The following PRKG1 variants were observed in gnomAD, a reference collection of about 807,000 sequenced individuals.
PRKG1 encodes cGMP-dependent protein kinase 1.
A neutral mutation model predicts 88.1 loss-of-function variants in PRKG1; 35 were observed. That is an observed-to-expected ratio of 0.40 (90% CI 0.30 to 0.53). The LOEUF (loss-of-function observed/expected upper bound fraction) is 0.53. PRKG1 is among the 20% of genes least tolerant of loss of function. The pLI is 0.59. For missense variants in PRKG1, 540 were observed against 839.8 expected, an observed-to-expected ratio of 0.64 and a Z score of 4.41; for synonymous variants, 303 against 292.5, an observed-to-expected ratio of 1.04 and a Z score of -0.37.
intron 2 of PRKG1, among the ~76,000 whole-genome samples, chr10:51,346,235 T>C (rs1317344524): frequency 2.0e-5 from 3 of 152,220 alleles, no homozygotes; most frequent in Admixed American, 2.0e-4. Context: ...TAGCGTACAA[T>C]TGGATTCAGA....
chr10:51,993,667 C>T (rs1199386505), intron 5 of PRKG1, among the ~76,000 whole-genome samples: 1 of 151,294 alleles, frequency 6.6e-6, no homozygotes, highest in Non-Finnish European at 1.5e-5. Flanking sequence ...AACAGCAGAG[C>T]TCTTTCTGTT....
chr10:51,423,300 G>A (rs534503978), intron 2 of PRKG1, among the ~76,000 whole-genome samples: 4 of 152,136 alleles, frequency 2.6e-5, no homozygotes, highest in African/African-American at 9.7e-5. Context: ...TTCACATTGA[G>A]AATATAAATT....
At chr10:51,483,932 A>G (rs1840446562) in intron 3 of PRKG1, among the ~76,000 whole-genome samples, 1 of 152,290 alleles carries the variant, frequency 6.6e-6, no homozygotes, top group Middle Eastern at 3.4e-3. Context: ...TAATTTAGAA[A>G]ACTAATAATC....
intron 2 of PRKG1, among the ~76,000 whole-genome samples, chr10:51,239,086 A>G (rs1839081239): frequency 6.6e-6 from 1 of 152,276 alleles, no homozygotes; most frequent in East Asian, 1.9e-4. Context: ...AAAACATGCT[A>G]AATAATATTA....
At position 51,934,078 on chromosome 10, in the gene PRKG1, G is replaced by A. The variant is rs1302900438; in HGVS notation, c.762+26508G>A. On this transcript the variant is annotated intron_variant, in intron 5 of 17. Coordinates refer to ENST00000373980, the MANE Select transcript of PRKG1 (RefSeq NM_006258.4). The stretch of plus-strand genomic sequence containing the variant: ...CTAGCTAGAAATGCACTTTCCTGGT[G>A]TACAGCAATAGAACCACATCAAAAT... Among the ~76,000 whole-genome samples the A allele has an allele frequency of 6.6e-5, 10 of 152,178 alleles. No homozygotes were observed. In the East Asian group the frequency reaches 1.9e-3, roughly 29 times the overall value.
rs529431807 is a variant in PRKG1 at position 51,143,059 on chromosome 10, T to C, written c.312-10105T>C. On this transcript the variant is annotated intron_variant, in intron 1 of 17. Coordinates refer to ENST00000373980, the MANE Select transcript of PRKG1 (RefSeq NM_006258.4). Reference sequence around the variant, plus strand: ...TAACTACAGTTGCCTTGCTGTACAGTAGGTCTCTTGAAATTTATTCTCCCT... The same window carrying C: ...TAACTACAGTTGCCTTGCTGTACAGCAGGTCTCTTGAAATTTATTCTCCCT... Among the ~76,000 whole-genome samples, 5 of 152,200 alleles carry C rather than the reference T, an allele frequency of 3.3e-5. No individual in the cohort carries two copies. In the South Asian group the frequency reaches 6.2e-4, roughly 19 times the overall value.
chr10:51,064,313 A>T (rs1366892216), intron 1 of PRKG1, among the ~76,000 whole-genome samples: 1 of 152,108 alleles, frequency 6.6e-6, no homozygotes, highest in East Asian at 1.9e-4. Context: ...AAGATAAATG[A>T]TGCAATGCCA....
chr10:51,152,697 AT>A (rs1399961570), intron 1 of PRKG1, among the ~76,000 whole-genome samples: 2 of 151,872 alleles, frequency 1.3e-5, no homozygotes, highest in African/African-American at 4.8e-5. Flanking sequence ...ATAAGTAAAC[AT>A]TTTTTTCTAT....
chr10:51,092,464 T>C (rs950485967), intron 1 of PRKG1, among the ~76,000 whole-genome samples: 3 of 152,138 alleles, frequency 2.0e-5, no homozygotes, highest in Admixed American at 2.0e-4. Context: ...CCAACCCCAG[T>C]GGGACATAAC....
chr10:51,796,428 C>G lies in PRKG1; in HGVS notation c.593-8157C>G, dbSNP rs374313720. Among the ~76,000 whole-genome samples, 20 of 151,768 alleles carry G rather than the reference C, an allele frequency of 1.3e-4. No individual in the cohort carries two copies. In the East Asian group the frequency reaches 2.7e-3, roughly 21 times the overall value. On this transcript the variant is annotated intron_variant, in intron 3 of 17. Coordinates refer to ENST00000373980, the MANE Select transcript of PRKG1 (RefSeq NM_006258.4). ...GTTATTTTACATACTTTTTTCATAC[C>G]ATCTTCTAAATCTTGTGTGTAACTT...
intron 5 of PRKG1, among the ~76,000 whole-genome samples, chr10:51,987,649 C>T (rs780749294): frequency 1.1e-4 from 17 of 151,936 alleles, no homozygotes; most frequent in Non-Finnish European, 2.2e-4. Flanking sequence ...TATCTCCAAC[C>T]GTAAAATTCA....
chr10:51,152,547 G>T (rs982110205), intron 1 of PRKG1, among the ~76,000 whole-genome samples: 3 of 151,966 alleles, frequency 2.0e-5, no homozygotes, highest in Admixed American at 2.0e-4. Context: ...CACACATAAA[G>T]CTGTTAGGTT....
At chr10:51,417,566 C>T (rs1217240002) in intron 2 of PRKG1, among the ~76,000 whole-genome samples, 1 of 152,052 alleles carries the variant, frequency 6.6e-6, no homozygotes, top group East Asian at 1.9e-4. Context: ...ATAAAGCAAA[C>T]CATAGAATTG....
At chr10:51,600,114 T>C (rs1838559330) in intron 3 of PRKG1, among the ~76,000 whole-genome samples, 1 of 152,224 alleles carries the variant, frequency 6.6e-6, no homozygotes, top group Non-Finnish European at 1.5e-5. Flanking sequence ...CTTCGAATTA[T>C]GTAACTGTTT....
intron 9 of PRKG1, among the ~76,000 whole-genome samples, chr10:52,166,029 C>T (rs1838425879): frequency 6.6e-6 from 1 of 152,146 alleles, no homozygotes; most frequent in Admixed American, 6.5e-5. Flanking sequence ...GCCTATATGG[C>T]ATGCTTAAGC....
At chr10:51,387,697 T>C (rs186533797) in intron 2 of PRKG1, among the ~76,000 whole-genome samples, 1 of 152,204 alleles carries the variant, frequency 6.6e-6, no homozygotes, top group Non-Finnish European at 1.5e-5. Flanking sequence ...CACAAAATTA[T>C]TTCATGTAGT....
At chr10:51,490,231 T>C (rs1408647937) in intron 3 of PRKG1, among the ~76,000 whole-genome samples, 1 of 152,178 alleles carries the variant, frequency 6.6e-6, no homozygotes, top group Non-Finnish European at 1.5e-5. Flanking sequence ...AATTTTATTA[T>C]TTTTCTGACT....
intron 2 of PRKG1, among the ~76,000 whole-genome samples, chr10:51,338,764 A>C (rs1407608005): frequency 6.6e-6 from 1 of 152,206 alleles, no homozygotes; most frequent in East Asian, 1.9e-4. Context: ...GCTATGATTC[A>C]ATTAGATTGT....
chr10:51,113,422 A>G (rs1845025770), intron 1 of PRKG1, among the ~76,000 whole-genome samples: 2 of 152,152 alleles, frequency 1.3e-5, no homozygotes, highest in South Asian at 4.1e-4. Flanking sequence ...TATCCCACCA[A>G]TGAAACCAAC....
Sources: gnomAD v4.1 joint callset for allele counts (sites outside exome capture counted in the v4.1 genomes callset) on GRCh38, gnomAD v4.1.1 for gene constraint, MANE v1.5 for transcripts, NCBI Gene and HGNC (gene_info 2026-07-23, HGNC 2026-07-21) for gene names.